The following MAST3 variants were observed in gnomAD, a reference collection of about 807,000 sequenced individuals.
MAST3 encodes microtubule associated serine/threonine kinase 3.
Under a neutral mutation model 127.0 loss-of-function variants are expected in MAST3, and 43 were observed. That is an observed-to-expected ratio of 0.34 (90% CI 0.27 to 0.44). The LOEUF (loss-of-function observed/expected upper bound fraction) is 0.44, where lower values mean the gene tolerates loss of function less well. Among genes scored for constraint, MAST3 ranks in the 20% least tolerant of loss-of-function variants. The probability of loss-of-function intolerance (pLI) is 1.00; values close to 1 mark genes in which losing one functional copy is unlikely to be tolerated. For synonymous variants in MAST3, 785 were observed against 809.2 expected (o/e 0.97, Z 0.51); for missense variants, 1,390 against 1,919.1 (o/e 0.72, Z 5.15).
At chr19:18,115,177 C>T (rs184821352) in intron 3 of MAST3, among the ~76,000 whole-genome samples, 3 of 152,154 alleles carry the variant, frequency 2.0e-5, no homozygotes, top group East Asian at 1.9e-4. Context: ...AGCAGTGGGC[C>T]GACACCAGAG....
intron 8 of MAST3, 105 bp downstream of exon 8, chr19:18,123,760 C>A: frequency 8.7e-7 from 1 of 1,144,734 alleles, no homozygotes; most frequent in Non-Finnish European, 1.2e-6. Flanking sequence ...CCAGTCTGTT[C>A]ATTTCTGTCT....
At chr19:18,109,851 G>C (rs1483549641) in intron 2 of MAST3, 1 of 781,548 alleles carries the variant, frequency 1.3e-6, no homozygotes, top group Admixed American at 6.2e-5. Context: ...TGGGGAGTTG[G>C]GGCGGACTGC....
Position 18,144,379 on chromosome 19 carries a change from A to C in MAST3, c.2585-87A>C. The C allele has an allele frequency of 8.7e-7, 1 of 1,151,642 alleles. No individual in the cohort carries two copies. Among genetic ancestry groups the C allele is most frequent in the Non-Finnish European group, 1.3e-6 (1 of 798,478 alleles). The allele number at this position is 1,151,642 out of a possible 1,614,324, so 71.3% of individuals were successfully genotyped here. A position where few individuals can be genotyped will look rare whatever the true frequency, so the allele number is the denominator to read the frequency against. On this transcript the variant is annotated intron_variant, in intron 22 of 27. Coordinates refer to ENST00000687212, the MANE Select transcript of MAST3 (RefSeq NM_001393504.1). This position sits in a 1 kb window ranked among gnomAD's most constrained non-coding sequence, Gnocchi z 4.0. ...GGCCAGGAGGCTGGACTGTGTAAATAGTGACCAGGGAGGAAGGGCCTTAAG... is the reference window on the plus strand; with the variant it reads ...GGCCAGGAGGCTGGACTGTGTAAATCGTGACCAGGGAGGAAGGGCCTTAAG...
chr19:18,141,811 C>T (rs762540368), intron 20 of MAST3, 71 bp from the exon 21 acceptor site: 20 of 1,245,970 alleles, frequency 1.6e-5, no homozygotes, highest in Non-Finnish European at 2.0e-5. Flanking sequence ...CCAGCTGGGC[C>T]TCTGAAAGTG....
intron 4 of MAST3, 34 bp from the exon 5 acceptor site, chr19:18,121,819 C>G (rs373145057): frequency 4.8e-5 from 77 of 1,613,760 alleles, no homozygotes; most frequent in Admixed American, 8.3e-5. Context: ...GCCTCTGCCC[C>G]GCTGACTCAG....
chr19:18,146,007 C>T lies in MAST3; in HGVS notation c.3162+142C>T, dbSNP rs2042981020. ...GGCCTGGCACATCCACTTCCTTCGG[C>T]CCAGAATACATGTCCTTCTTCAGCC... On this transcript the variant is annotated intron_variant, in intron 25 of 27. Coordinates refer to ENST00000687212, the MANE Select transcript of MAST3 (RefSeq NM_001393504.1). The T allele has an allele frequency of 5.7e-6, 6 of 1,058,404 alleles. No homozygotes were observed. The South Asian group carries it at 8.7e-5, about 15-fold the overall frequency. 65.6% of individuals were successfully genotyped at this position (1,058,404 alleles called of 1,614,324 possible). A position where few individuals can be genotyped will look rare whatever the true frequency, so the allele number is the denominator to read the frequency against.
intron 11 of MAST3, among the ~76,000 whole-genome samples, chr19:18,126,783 T>G (rs535980801): frequency 6.6e-6 from 1 of 151,830 alleles, no homozygotes; most frequent in African/African-American, 2.4e-5. Context: ...AAAAGTAATT[T>G]TTTTTTTTCT....
intron 1 of MAST3, among the ~76,000 whole-genome samples, chr19:18,101,229 G>T (rs1035912919): frequency 3.9e-5 from 6 of 152,146 alleles, no homozygotes. Flanking sequence ...GGCAGAGAAG[G>T]GCTAGAGCCT....
At chr19:18,120,183 G>T (rs2039799741) in intron 3 of MAST3, among the ~76,000 whole-genome samples, 1 of 152,204 alleles carries the variant, frequency 6.6e-6, no homozygotes, top group Non-Finnish European at 1.5e-5. Context: ...AGCAGAAGAG[G>T]CAGGACTGTG....
At chr19:18,128,490 A>G (rs2040910892) in intron 12 of MAST3, 32 bp downstream of exon 12, 1 of 1,548,030 alleles carries the variant, frequency 6.5e-7, no homozygotes, top group East Asian at 2.4e-5. Flanking sequence ...ACCCCCGCTC[A>G]TCTTGTTCTT....
chr19:18,121,614 T>A, intron 3 of MAST3, 71 bp from the exon 4 acceptor site: 1 of 1,315,628 alleles, frequency 7.6e-7, no homozygotes, highest in Non-Finnish European at 1.1e-6. Flanking sequence ...GCGAGTGTGA[T>A]TTAGGCTGGG....
At chr19:18,147,737 A>G (rs1348576092) in intron 27 of MAST3, 113 bp downstream of exon 27, 16 of 784,108 alleles carry the variant, frequency 2.0e-5, no homozygotes, top group African/African-American at 3.5e-5. Flanking sequence ...AGGGAAAAAG[A>G]TGACCGGGAT....
rs1407044518 is a variant in MAST3, at chr19:18,116,647, C to T, written c.162-5038C>T. ...CCTGTTGGCTGGGCAAGGTGGCTCACGCCTGTAATCCCGGCACTTTGGGAG... is the reference window on the plus strand; with the variant it reads ...CCTGTTGGCTGGGCAAGGTGGCTCATGCCTGTAATCCCGGCACTTTGGGAG... On this transcript the variant is annotated intron_variant, in intron 3 of 27. Transcript: ENST00000687212. Among the ~76,000 whole-genome samples the T allele has an allele frequency of 4.3e-5, 6 of 138,096 alleles. No homozygotes were observed. The East Asian group carries it at 7.7e-4, about 18-fold the overall frequency. The allele number at this position is 138,096 out of a possible 152,430, so 90.6% of individuals were successfully genotyped here. A position where few individuals can be genotyped will look rare whatever the true frequency, so the allele number is the denominator to read the frequency against.
At position 18,145,884 on chromosome 19, in the gene MAST3, CCACCCTCA is replaced by C; in HGVS notation, c.3162+20_3162+27del. 7.6e-6 allele frequency: 12 copies of C among 1,576,244 alleles called. No individual in the cohort carries two copies. The highest frequency in any genetic ancestry group is 2.4e-5 in the East Asian group (1 of 41,558). On this transcript the variant is annotated intron_variant, in intron 25 of 27. Transcript: ENST00000687212. The surrounding 1 kb of genome is among the most constrained non-coding windows in gnomAD (Gnocchi z 5.9). ...GCTGAAGGTGCGGCACCCCCACTGCCCACCCTCAGGGCTCCCCAGCACCCCTTGGCCGC... is the reference window on the plus strand; with the variant it reads ...GCTGAAGGTGCGGCACCCCCACTGCCGGGCTCCCCAGCACCCCTTGGCCGC...
intron 3 of MAST3, chr19:18,118,069 C>A: frequency 2.0e-6 from 2 of 984,660 alleles, no homozygotes; most frequent in South Asian, 4.7e-5. Flanking sequence ...GTGCGCCCCC[C>A]TCCCTGTCCG....
intron 1 of MAST3, among the ~76,000 whole-genome samples, chr19:18,106,408 T>C (rs1381972454): frequency 6.6e-6 from 1 of 151,878 alleles, no homozygotes; most frequent in Non-Finnish European, 1.5e-5. Context: ...CCAGCTAATT[T>C]TTGTATTTTT....
Position 18,147,638 on chromosome 19 carries a change from G to A in MAST3, c.3508+14G>A, listed in dbSNP as rs757752441. ...ATGTCCCAGCAGGTGGGTGCACCCCGACCCCCCACCACCCCGGCTACCCTG... is the reference window on the plus strand; with the variant it reads ...ATGTCCCAGCAGGTGGGTGCACCCCAACCCCCCACCACCCCGGCTACCCTG... On this transcript the variant is annotated intron_variant, in intron 27 of 27. Transcript: ENST00000687212. The A allele has an allele frequency of 2.1e-5, 32 of 1,509,462 alleles. No individual in the cohort carries two copies. The highest frequency in any genetic ancestry group is 1.0e-4 in the East Asian group (4 of 40,154). The allele number at this position is 1,509,462 out of a possible 1,614,324, so 93.5% of individuals were successfully genotyped here.
rs2038494307 is a variant in MAST3 at position 18,110,661 on chromosome 19, G to A, written c.81G>A (p.Pro27=). 17 of 985,702 alleles carry A rather than the reference G, an allele frequency of 1.7e-5. No individual in the cohort carries two copies. Among genetic ancestry groups the A allele is most frequent in the Middle Eastern group, 5.2e-4 (1 of 1,914 alleles). The allele number at this position is 985,702 out of a possible 1,614,324, so 61.1% of individuals were successfully genotyped here. The change falls in exon 3 of 28, where the codon CCG becomes CCA. Residue 27 remains proline, a synonymous_variant. Transcript: ENST00000687212. This position sits in a 1 kb window ranked among gnomAD's most constrained non-coding sequence, Gnocchi z 4.3. ...GCCTCTTTCTTTGCAGTCTGTCTCC[G>A]AGCAGCCAGAGCCCGTCCCTGCTGG... ...SLPRRGRGLS[P]SSQSPSLLGP...
At chr19:18,131,810 G>T in intron 14 of MAST3, 99 bp from the exon 15 acceptor site, 1 of 1,377,322 alleles carries the variant, frequency 7.3e-7, no homozygotes, top group Non-Finnish European at 9.9e-7. Flanking sequence ...TTTGCAGGAG[G>T]TAAAGCGAGG....
Sources: allele counts gnomAD v4.1 joint callset (sites outside exome capture counted in the v4.1 genomes callset), GRCh38; gene constraint gnomAD v4.1.1; non-coding constraint Gnocchi (gnomAD v3.1); transcripts MANE v1.5; gene names NCBI Gene and HGNC (gene_info 2026-07-23, HGNC 2026-07-21).